PCARE: variants seen among roughly 807,000 people sequenced by gnomAD.
The protein encoded by PCARE is uncharacterized protein C2orf71.
In PCARE, 72 loss-of-function variants were observed where a neutral mutation model predicts 82.2. The ratio of observed to expected loss-of-function variants is 0.88; its 90% confidence interval spans 0.72 to 1.07. The LOEUF is 1.07. PCARE is among the 50% of genes least tolerant of loss of function. The pLI is 0.00. For synonymous variants in PCARE, 705 were observed against 634.8 expected (o/e 1.11, Z -1.66); for missense variants, 1,768 against 1,592.4 (o/e 1.11, Z -1.88).
At chr2:29,069,649 A>G (rs933668293) in intron 1 of PCARE, among the ~76,000 whole-genome samples, 2 of 152,222 alleles carry the variant, frequency 1.3e-5, no homozygotes, top group African/African-American at 4.8e-5. Context: ...GTTTACCTAC[A>G]TCACAAACCT....
Position 29,071,165 on chromosome 2 carries a change from G to A in PCARE, c.3097C>T (p.Pro1033Ser), listed in dbSNP as rs748717069. The change falls in exon 1 of 2, where the codon CCT becomes TCT. Residue 1033 changes from proline to serine, a missense_variant. Physicochemically the swap from Pro to Ser is moderately conservative, Grantham distance 74. Transcript: ENST00000331664. ...PSAVQTPPSP[P>S]VSPRVLSPPT... ...GGGCTTAGCACCCTGGGGCTCACAG[G>A]TGGGCTGGGGGGCGTCTGCACAGCA... 6.3e-7 allele frequency: 1 copy of A among 1,581,004 alleles called. No homozygotes were observed. The highest frequency in any genetic ancestry group is 1.2e-5 in the South Asian group (1 of 84,682).
chr2:29,070,789 T>C lies in PCARE; in HGVS notation c.3473A>G (p.Asn1158Ser). Residue 1158 changes from asparagine (N) to serine (S), a missense_variant, in exon 1 of 2, where the codon AAC becomes AGC. Asn to Ser is a conservative substitution (Grantham distance 46). Transcript: ENST00000331664. ...GCTGTTCTTCCAGCATTCTGCTGGG[T>C]TCCCGAGAGGGCCCCCAGCCTCTGG... ...LPPEAGGPLGNPAECWKNSSG... is the reference protein window; with the variant it reads ...LPPEAGGPLGSPAECWKNSSG... The C allele has an allele frequency of 1.9e-6, 3 of 1,614,064 alleles. No individual in the cohort carries two copies. Among genetic ancestry groups the C allele is most frequent in the Non-Finnish European group, 2.5e-6 (3 of 1,180,016 alleles).
rs538923332 is a variant in PCARE, at chr2:29,064,559, T to G, written c.*310A>C. 2 of 526,940 alleles carry G rather than the reference T, an allele frequency of 3.8e-6. No individual in the cohort carries two copies. The highest frequency in any genetic ancestry group is 6.9e-6 in the Non-Finnish European group (2 of 291,674). The allele number at this position is 526,940 out of a possible 1,614,324, so 32.6% of individuals were successfully genotyped here. ...AACCCAGTTAAAACCCTATCAAGCATGCAACTATACATTCTCCACCCCCCA... is the reference window on the plus strand; with the variant it reads ...AACCCAGTTAAAACCCTATCAAGCAGGCAACTATACATTCTCCACCCCCCA... On this transcript the variant is annotated 3_prime_UTR_variant, in exon 2 of 2. Coordinates refer to ENST00000331664, the MANE Select transcript of PCARE (RefSeq NM_001029883.3).
chr2:29,067,386 G>T (rs1312747775), intron 1 of PCARE, among the ~76,000 whole-genome samples: 1 of 152,142 alleles, frequency 6.6e-6, no homozygotes, highest in Non-Finnish European at 1.5e-5. Flanking sequence ...TGGGGGCAGG[G>T]GTGCTGGGGA....
Position 29,064,434 on chromosome 2 carries a change from AG to A in PCARE, c.*434del, listed in dbSNP as rs1032071747. On this transcript the variant is annotated 3_prime_UTR_variant, in exon 2 of 2. Transcript: ENST00000331664. Reference sequence around the variant, plus strand: ...TGTATGACCTTCAGCCAGACACTTGAGGGGGCCTCTCCCCACACCTTCGGTT... The same window carrying A: ...TGTATGACCTTCAGCCAGACACTTGAGGGGCCTCTCCCCACACCTTCGGTT... 1 of 257,144 alleles carries A rather than the reference AG, an allele frequency of 3.9e-6. No individual in the cohort carries two copies. The highest frequency in any genetic ancestry group is 5.0e-5 in the Admixed American group (1 of 20,116). The allele number at this position is 257,144 out of a possible 1,614,324, so 15.9% of individuals were successfully genotyped here.
chr2:29,073,502 G>C lies in PCARE; in HGVS notation c.760C>G (p.Pro254Ala), dbSNP rs192023448. ...TCCTGGGGCTCTCTTTTCTTCAAAG[G>C]CCAAGCCAGATCCTCCCTGACTTCC... is the stretch of plus-strand genomic sequence containing the variant. ...LQEVREDLAW[P>A]LKKREPQEQP... The change falls in exon 1 of 2, where the codon CCT becomes GCT. Residue 254 changes from proline to alanine, a missense_variant. By Grantham distance (27) the Pro-to-Ala change is conservative. Transcript: ENST00000331664. 5.6e-6 allele frequency: 9 copies of C among 1,614,124 alleles called. No homozygotes were observed. Among genetic ancestry groups the C allele is most frequent in the Non-Finnish European group, 7.6e-6 (9 of 1,180,030 alleles).
Position 29,064,767 on chromosome 2 carries a change from A to C in PCARE, c.*102T>G. The stretch of plus-strand genomic sequence containing the variant: ...CCAGGCCTTTCCAGGACACCTCAGT[A>C]GGAGTTTGGTTTGCCCATCATCTCT... On this transcript the variant is annotated 3_prime_UTR_variant, in exon 2 of 2. Coordinates refer to ENST00000331664, the MANE Select transcript of PCARE (RefSeq NM_001029883.3). 1 of 1,476,858 alleles carries C rather than the reference A, an allele frequency of 6.8e-7. No homozygotes were observed. The allele number at this position is 1,476,858 out of a possible 1,614,324, so 91.5% of individuals were successfully genotyped here. A position where few individuals can be genotyped will look rare whatever the true frequency, so the allele number is the denominator to read the frequency against.
rs1376324487 is a variant in PCARE, at chr2:29,064,855, C to T, written c.*14G>A. The T allele has an allele frequency of 6.2e-7, 1 of 1,610,034 alleles. No homozygotes were observed. The highest frequency in any genetic ancestry group is 8.5e-7 in the Non-Finnish European group (1 of 1,179,958). ...CTGGGGTGACTGCGTGAGTGTGGCC[C>T]CCTCGTCAGCCTGTCAGGACACCTC... On this transcript the variant is annotated 3_prime_UTR_variant, in exon 2 of 2. Transcript: ENST00000331664.
At position 29,070,897 on chromosome 2, in the gene PCARE, A is replaced by G. The variant is rs779970704; in HGVS notation, c.3365T>C (p.Ile1122Thr). The G allele has an allele frequency of 4.3e-6, 7 of 1,613,290 alleles. No individual in the cohort carries two copies. Among genetic ancestry groups the G allele is most frequent in the Non-Finnish European group, 5.9e-6 (7 of 1,179,952 alleles). Reference protein sequence around the residue: ...IAKVSGNTHSIFCPATSSLFE... With the variant: ...IAKVSGNTHSTFCPATSSLFE... ...CAGAGAGGAGGTAGCTGGGCAGAAT[A>G]TGGAATGTGTGTTCCCAGACACTTT... The change falls in exon 1 of 2, where the codon ATA becomes ACA. Residue 1122 changes from isoleucine to threonine, a missense_variant. Physicochemically the swap from Ile to Thr is moderately conservative, Grantham distance 89 (BLOSUM62 -1). Coordinates refer to ENST00000331664, the MANE Select transcript of PCARE (RefSeq NM_001029883.3).
chr2:29,064,930 G>A lies in PCARE; in HGVS notation c.3806C>T (p.Thr1269Ile), dbSNP rs963611260. 15 of 1,611,232 alleles carry A rather than the reference G, an allele frequency of 9.3e-6. No homozygotes were observed. In the Admixed American group the frequency reaches 1.3e-4, roughly 14 times the overall value. The part of the protein sequence containing the change: ...LGHGLQPEPR[T>I]GHIQDKSQPE... The stretch of plus-strand genomic sequence containing the variant: ...CTGGGATTTGTCCTGGATGTGGCCG[G>A]TCCGAGGCTCCGGTTGCAGCCCGTG... The change falls in exon 2 of 2, where the codon ACC becomes ATC. Residue 1269 changes from threonine to isoleucine, a missense_variant. Thr to Ile is a moderately conservative substitution (Grantham distance 89). Coordinates refer to ENST00000331664, the MANE Select transcript of PCARE (RefSeq NM_001029883.3).
At chr2:29,066,992 G>A (rs1389388118) in intron 1 of PCARE, among the ~76,000 whole-genome samples, 2 of 152,216 alleles carry the variant, frequency 1.3e-5, no homozygotes, top group Non-Finnish European at 2.9e-5. Context: ...TCCTGGGTAA[G>A]CCTCCAAGGG....
In PCARE at chr2:29,072,037, T is replaced by G; in HGVS notation, c.2225A>C (p.Glu742Ala). The G allele has an allele frequency of 6.2e-7, 1 of 1,614,140 alleles. No individual in the cohort carries two copies. The highest frequency in any genetic ancestry group is 8.5e-7 in the Non-Finnish European group (1 of 1,180,024). Residue 742 changes from glutamate (E) to alanine (A), a missense_variant, in exon 1 of 2, where the codon GAG becomes GCG. Physicochemically the swap from Glu to Ala is moderately radical, Grantham distance 107. Coordinates refer to ENST00000331664, the MANE Select transcript of PCARE (RefSeq NM_001029883.3). ...KKLIETFSPTESLRMLGDSKD... is the reference protein window; with the variant it reads ...KKLIETFSPTASLRMLGDSKD... ...AGAGTCCCCCAGCATCCTCAGACTC[T>G]CCGTGGGACTGAAAGTTTCAATAAG...
chr2:29,071,388 G>A lies in PCARE; in HGVS notation c.2874C>T (p.Ile958=), dbSNP rs748746281. ...TSLYRQPRKA[I]AWHHSGPPSG... is the part of the protein sequence containing the mutation. ...ATGGAGGGCCGGAGTGGTGCCAGGC[G>A]ATGGCCTTCCGGGGCTGCCTGTAGA... The change falls in exon 1 of 2, where the codon ATC becomes ATT. Residue 958 remains isoleucine (I), a synonymous_variant. Transcript: ENST00000331664. 21 of 1,613,648 alleles carry A rather than the reference G, an allele frequency of 1.3e-5. No individual in the cohort carries two copies. The highest frequency in any genetic ancestry group is 3.3e-5 in the Admixed American group (2 of 60,006).
rs1214168160 is a variant in PCARE at position 29,062,376 on chromosome 2, C to T, written c.*2493G>A. 1 of 152,338 alleles carries T rather than the reference C, an allele frequency of 6.6e-6. No individual in the cohort carries two copies. The highest frequency in any genetic ancestry group is 2.4e-5 in the African/African-American group (1 of 41,464). The allele number at this position is 152,338 out of a possible 1,614,324, so 9.4% of individuals were successfully genotyped here. Reference sequence around the variant, plus strand: ...GTCCTCCAGAGGGACAAGGAGGCATCATGGGCATCTCCACAGCTGATGGCA... The same window carrying T: ...GTCCTCCAGAGGGACAAGGAGGCATTATGGGCATCTCCACAGCTGATGGCA... On this transcript the variant is annotated 3_prime_UTR_variant, in exon 2 of 2. Coordinates refer to ENST00000331664, the MANE Select transcript of PCARE (RefSeq NM_001029883.3).
Position 29,072,192 on chromosome 2 carries a change from G to T in PCARE, c.2070C>A (p.Pro690=). The change falls in exon 1 of 2, where the codon CCC becomes CCA. Residue 690 remains proline (P), a synonymous_variant. Transcript: ENST00000331664. ...CTTTGCCTTGTTCGTCCTCAGGATG[G>T]GGATTGCATTTCTGCAAGATGCTCT... ...QDKSILQKCN[P]HPEDEQGKAG... is the part of the protein sequence containing the mutation. 6.2e-7 allele frequency: 1 copy of T among 1,614,222 alleles called. No individual in the cohort carries two copies.
At position 29,074,093 on chromosome 2, in the gene PCARE, G is replaced by A; in HGVS notation, c.169C>T (p.Leu57=). 6.2e-7 allele frequency: 1 copy of A among 1,614,212 alleles called. No homozygotes were observed. The highest frequency in any genetic ancestry group is 8.5e-7 in the Non-Finnish European group (1 of 1,180,052). Residue 57 remains leucine, a synonymous_variant, in exon 1 of 2, where the codon CTG becomes TTG. Transcript: ENST00000331664. ...CTGGGACTTGGCTGCTCCTCTGCCAGGCCCTCCCCAGCGTCATAGCAGGTG... is the reference window on the plus strand; with the variant it reads ...CTGGGACTTGGCTGCTCCTCTGCCAAGCCCTCCCCAGCGTCATAGCAGGTG... ...NSTCYDAGEG[L]AEEQPSPRRN... is the part of the protein sequence containing the mutation.
chr2:29,067,344 G>T (rs1249819741), intron 1 of PCARE, among the ~76,000 whole-genome samples: 2 of 152,208 alleles, frequency 1.3e-5, no homozygotes, highest in African/African-American at 4.8e-5. Context: ...TACAGCAGGT[G>T]CACTTCTGCT....
chr2:29,065,180 G>C (rs950866796), intron 1 of PCARE, 113 bp from the exon 2 acceptor site: 2 of 1,265,662 alleles, frequency 1.6e-6, no homozygotes, highest in Non-Finnish European at 2.2e-6. Flanking sequence ...TCTCCCACAA[G>C]CCTGTTCACC....
rs886055923 is a variant in PCARE at position 29,072,658 on chromosome 2, A to G, written c.1604T>C (p.Leu535Pro). 7 of 1,613,834 alleles carry G rather than the reference A, an allele frequency of 4.3e-6. No individual in the cohort carries two copies. Among genetic ancestry groups the G allele is most frequent in the Middle Eastern group, 1.6e-4 (1 of 6,084 alleles). Residue 535 changes from leucine to proline, a missense_variant, in exon 1 of 2, where the codon CTC becomes CCC. Leu to Pro is a moderately conservative substitution (Grantham distance 98). Coordinates refer to ENST00000331664, the MANE Select transcript of PCARE (RefSeq NM_001029883.3). ...FQARTRRLRS[L>P]QAQEMILKMK... ...CTTCAGAATCATTTCCTGGGCCTGG[A>G]GGCTCCTAAGCCTCCTGGTGCGGGC...
Sources: gnomAD v4.1 joint callset for allele counts (sites outside exome capture counted in the v4.1 genomes callset) on GRCh38, gnomAD v4.1.1 for gene constraint, MANE v1.5 for transcripts, NCBI Gene and HGNC (gene_info 2026-07-23, HGNC 2026-07-21) for gene names.